Variants in ANKS1B observed in about 807,000 individuals in gnomAD.
ANKS1B encodes the protein ankyrin repeat and sterile alpha motif domain containing 1B, also known as ankyrin repeat and sterile alpha motif domain-containing protein 1B.
Under a neutral mutation model 148.3 loss-of-function variants are expected in ANKS1B, and 36 were observed. The observed-to-expected ratio is 0.24, with a 90% CI of 0.19 to 0.32. The LOEUF (loss-of-function observed/expected upper bound fraction) is 0.32. ANKS1B is among the 10% of genes least tolerant of loss of function. The pLI, the probability that ANKS1B is intolerant of heterozygous loss-of-function variation, is 1.00. For synonymous variants in ANKS1B, 542 were observed against 560.8 expected, an observed-to-expected ratio of 0.97 and a Z score of 0.47; for missense variants, 1,157 against 1,542.6, an observed-to-expected ratio of 0.75 and a Z score of 4.19.
intron 8 of ANKS1B, among the ~76,000 whole-genome samples, chr12:99,748,686 G>A (rs1028439492): frequency 3.3e-5 from 5 of 151,922 alleles, no homozygotes; most frequent in Admixed American, 2.0e-4. Flanking sequence ...ATAATACGTT[G>A]AATCGTGGTA....
intron 10 of ANKS1B, among the ~76,000 whole-genome samples, chr12:99,471,667 C>CAT (rs2096244593): frequency 6.6e-6 from 1 of 151,944 alleles, no homozygotes; most frequent in African/African-American, 2.4e-5. Flanking sequence ...CACACACACA[C>CAT]ACATACACAC....
At position 98,903,248 on chromosome 12, in the gene ANKS1B, A is replaced by G. The variant is rs186507735; in HGVS notation, c.2779-71112T>C. Reference sequence around the variant, plus strand: ...CAACACCCGGTGCTCTATTTCTGTTACCAATAGTCTGATTTGTTACTGGGG... The same window carrying G: ...CAACACCCGGTGCTCTATTTCTGTTGCCAATAGTCTGATTTGTTACTGGGG... On this transcript the variant is annotated intron_variant, in intron 17 of 26. Coordinates refer to ENST00000683438, the MANE Select transcript of ANKS1B (RefSeq NM_001352186.2). Among the ~76,000 whole-genome samples the G allele has an allele frequency of 8.5e-5, 13 of 152,124 alleles. No homozygotes were observed. The East Asian group carries it at 2.5e-3, about 29-fold the overall frequency.
intron 1 of ANKS1B, among the ~76,000 whole-genome samples, chr12:99,842,547 A>G (rs951925987): frequency 5.9e-5 from 9 of 152,140 alleles, no homozygotes; most frequent in African/African-American, 2.2e-4. Flanking sequence ...CTCAGGTGAT[A>G]CCTGGTCACC....
chr12:98,803,668 T>G (rs1041547528), intron 20 of ANKS1B, among the ~76,000 whole-genome samples: 3 of 152,124 alleles, frequency 2.0e-5, no homozygotes, highest in Non-Finnish European at 2.9e-5. Flanking sequence ...CGGCATGAGC[T>G]GGTGGTGCCA....
intron 17 of ANKS1B, among the ~76,000 whole-genome samples, chr12:99,029,407 C>T (rs1051001581): frequency 1.7e-4 from 26 of 152,160 alleles, no homozygotes; most frequent in African/African-American, 5.6e-4. Flanking sequence ...CAACTTTGTT[C>T]GTACTGGAGA....
At chr12:98,737,715 C>T (rs73142320) in intron 9 of ANKS1B, among the ~76,000 whole-genome samples, 24,104 of 152,158 alleles carry the variant, frequency 0.16, 2,202 homozygotes, top group Non-Finnish European at 0.21. Context: ...TTTTATCTTG[C>T]CGTTTTAGTT....
Position 98,745,770 on chromosome 12 carries a change from A to C in ANKS1B, c.3827T>G (p.Ile1276Ser). The C allele has an allele frequency of 9.9e-6, 16 of 1,613,808 alleles. No individual in the cohort carries two copies. The highest frequency in any genetic ancestry group is 1.4e-5 in the Non-Finnish European group (16 of 1,179,788). Reference protein sequence around the residue: ...VEPGQEAKRGINTKYETTIF With the variant: ...VEPGQEAKRGSNTKYETTIF ...AATCGTGGTTTCATACTTGGTATTA[A>C]TGCCCCTCTTGGCTTCTTGGCCCGG... Residue 1276 changes from isoleucine (I) to serine (S), a missense_variant, in exon 27 of 27, where the codon ATT becomes AGT. Ile to Ser is a moderately radical substitution (Grantham distance 142, BLOSUM62 -2). Transcript: ENST00000683438.
chr12:99,119,006 C>T (rs1600391684), intron 15 of ANKS1B, among the ~76,000 whole-genome samples: 2 of 152,176 alleles, frequency 1.3e-5, no homozygotes, highest in Admixed American at 1.3e-4. Flanking sequence ...ACTTCTGCTT[C>T]AGCAGGGTGA....
intron 12 of ANKS1B, among the ~76,000 whole-genome samples, chr12:99,253,846 AGT>A (rs1373511079): frequency 2.6e-5 from 4 of 152,212 alleles, no homozygotes; most frequent in Admixed American, 6.5e-5. Flanking sequence ...AATCATATCC[AGT>A]GTGGTAAAGA....
intron 9 of ANKS1B, among the ~76,000 whole-genome samples, chr12:99,552,294 C>T (rs2097227677): frequency 6.6e-6 from 1 of 152,168 alleles, no homozygotes; most frequent in Non-Finnish European, 1.5e-5. Context: ...TTATTGTCTC[C>T]TCAATGTCTA....
chr12:99,098,309 A>G (rs1280796517), intron 15 of ANKS1B, among the ~76,000 whole-genome samples: 1 of 152,134 alleles, frequency 6.6e-6, no homozygotes, highest in Non-Finnish European at 1.5e-5. Context: ...GAATTGCCTC[A>G]GAGATCTGAT....
intron 9 of ANKS1B, among the ~76,000 whole-genome samples, chr12:99,580,838 A>T (rs2097563511): frequency 6.6e-6 from 1 of 152,212 alleles, no homozygotes; most frequent in Non-Finnish European, 1.5e-5. Context: ...TGCATGTACC[A>T]ATGTGCCACA....
chr12:99,440,264 T>G (rs1375676709), intron 11 of ANKS1B, among the ~76,000 whole-genome samples: 1 of 151,844 alleles, frequency 6.6e-6, no homozygotes, highest in Non-Finnish European at 1.5e-5. Context: ...GCTATATACT[T>G]AAGATCTGTG....
intron 10 of ANKS1B, among the ~76,000 whole-genome samples, chr12:99,462,060 T>C (rs1449804223): frequency 6.6e-6 from 1 of 152,358 alleles, no homozygotes; most frequent in African/African-American, 2.4e-5. Flanking sequence ...CTCTTGCCAG[T>C]AACTACATTC....
At chr12:99,102,425 C>G (rs2058163966) in intron 15 of ANKS1B, among the ~76,000 whole-genome samples, 1 of 152,070 alleles carries the variant, frequency 6.6e-6, no homozygotes. Flanking sequence ...TCTTCTTCTT[C>G]TTCTTCTTCT....
chr12:99,197,251 G>A (rs971925349), intron 14 of ANKS1B, among the ~76,000 whole-genome samples: 2 of 152,146 alleles, frequency 1.3e-5, no homozygotes, highest in African/African-American at 4.8e-5. Flanking sequence ...TTGGAAAGAT[G>A]AAAAACCAAA....
chr12:99,183,522 A>G (rs2079400246), intron 14 of ANKS1B, among the ~76,000 whole-genome samples: 1 of 152,146 alleles, frequency 6.6e-6, no homozygotes, highest in Non-Finnish European at 1.5e-5. Context: ...GGTCGCCTGT[A>G]ATCCCACCTA....
At chr12:98,857,615 G>C (rs1310527897) in intron 17 of ANKS1B, among the ~76,000 whole-genome samples, 1 of 151,776 alleles carries the variant, frequency 6.6e-6, no homozygotes, top group African/African-American at 2.4e-5. Context: ...TCGGTGTAGT[G>C]GGAGGCAATG....
chr12:99,883,546 A>T (rs1366787078), intron 1 of ANKS1B, among the ~76,000 whole-genome samples: 1 of 151,834 alleles, frequency 6.6e-6, no homozygotes. Flanking sequence ...ATTGGACATC[A>T]TCAAAATAAA....
Sources: gnomAD v4.1 joint callset for allele counts (sites outside exome capture counted in the v4.1 genomes callset) on GRCh38, gnomAD v4.1.1 for gene constraint, MANE v1.5 for transcripts, NCBI Gene and HGNC (gene_info 2026-07-23, HGNC 2026-07-21) for gene names.